SHROOM3: variants seen among roughly 807,000 people sequenced by gnomAD.
SHROOM3 encodes the protein shroom family member 3.
Under a neutral mutation model 138.6 loss-of-function variants are expected in SHROOM3, and 47 were observed. The observed-to-expected ratio is 0.34, with a 90% CI of 0.27 to 0.43. The LOEUF (loss-of-function observed/expected upper bound fraction) is 0.43, where lower values mean the gene tolerates loss of function less well. Ranked by LOEUF, SHROOM3 falls within the 20% of genes least tolerant of loss-of-function variation. SHROOM3 has a pLI of 1.00. For synonymous variants in SHROOM3, 1,062 were observed against 1,063.3 expected (o/e 1.00, Z 0.02); for missense variants, 2,491 against 2,596.5 (o/e 0.96, Z 0.88).
chr4:76,650,140 C>T (rs374116730), intron 2 of SHROOM3, among the ~76,000 whole-genome samples: 9 of 152,134 alleles, frequency 5.9e-5, no homozygotes, highest in African/African-American at 1.7e-4. Flanking sequence ...ACCTTTAAGA[C>T]CTTATCTCCA....
intron 1 of SHROOM3, among the ~76,000 whole-genome samples, chr4:76,533,577 T>C (rs1421044690): frequency 6.6e-6 from 1 of 152,174 alleles, no homozygotes; most frequent in African/African-American, 2.4e-5. Flanking sequence ...TTATTAGACA[T>C]GACCTTAGAG....
chr4:76,661,234 C>CTTTTTTTTTTTTTTTTT (rs912334272), intron 2 of SHROOM3, among the ~76,000 whole-genome samples: 1 of 146,026 alleles, frequency 6.8e-6, no homozygotes, highest in African/African-American at 2.5e-5. Context: ...AATCCATTTT[C>CTTTTTTTTTTTTTTTTT]TTTTTTTTTT....
intron 2 of SHROOM3, among the ~76,000 whole-genome samples, chr4:76,583,969 A>G (rs77045988): frequency 0.038 from 5,804 of 152,290 alleles, 354 homozygotes; most frequent in African/African-American, 0.13. Flanking sequence ...AATTTGTGAA[A>G]GGACAGGTTA....
At chr4:76,771,100 C>T (rs1722343761) in intron 10 of SHROOM3, among the ~76,000 whole-genome samples, 2 of 152,174 alleles carry the variant, frequency 1.3e-5, no homozygotes, top group South Asian at 4.1e-4. Flanking sequence ...CGTGGTGGCT[C>T]ATACCTGTAA....
chr4:76,754,268 C>T (rs1721727924), intron 6 of SHROOM3, 43 bp from the exon 7 acceptor site: 2 of 1,613,496 alleles, frequency 1.2e-6, no homozygotes, highest in Non-Finnish European at 1.7e-6. Context: ...ATGTTTGCCC[C>T]TTTCTTCAGA....
chr4:76,775,184 A>G (rs1471102107), intron 10 of SHROOM3, among the ~76,000 whole-genome samples: 4 of 152,052 alleles, frequency 2.6e-5, no homozygotes, highest in Non-Finnish European at 5.9e-5. Context: ...CTTAGCATCC[A>G]CTTAAAACTG....
At position 76,740,154 on chromosome 4, in the gene SHROOM3, G is replaced by A; in HGVS notation, c.1981G>A (p.Ala661Thr). The change falls in exon 5 of 11, where the codon GCC (alanine) becomes ACC (threonine). Residue 661 changes from alanine to threonine, a missense_variant. Transcript: ENST00000296043. The surrounding 1 kb of genome is among the most constrained non-coding windows in gnomAD (Gnocchi z 4.0). ...AGGCAACTTTGGCAAGACCAAGTCA[G>A]CCTTCTCATCTCTCCAGAACATTCC... The part of the protein sequence containing the change: ...LSGNFGKTKS[A>T]FSSLQNIPES... 1 of 1,613,888 alleles carries A rather than the reference G, an allele frequency of 6.2e-7. No individual in the cohort carries two copies. Among genetic ancestry groups the A allele is most frequent in the South Asian group, 1.1e-5 (1 of 91,086 alleles).
At chr4:76,512,544 C>A (rs1237803488) in intron 1 of SHROOM3, among the ~76,000 whole-genome samples, 1 of 152,166 alleles carries the variant, frequency 6.6e-6, no homozygotes, top group Non-Finnish European at 1.5e-5. Flanking sequence ...GGGTCACACC[C>A]TCTGCAGGGT....
At chr4:76,757,596 C>G (rs1258113948) in intron 8 of SHROOM3, among the ~76,000 whole-genome samples, 2 of 152,148 alleles carry the variant, frequency 1.3e-5, no homozygotes, top group Non-Finnish European at 2.9e-5. Context: ...TGACCCTTAC[C>G]TCTGAGGCAT....
chr4:76,471,550 C>T (rs1207783253), intron 1 of SHROOM3, among the ~76,000 whole-genome samples: 1 of 152,142 alleles, frequency 6.6e-6, no homozygotes, highest in Non-Finnish European at 1.5e-5. Flanking sequence ...CCAGTTTGTT[C>T]TTTCTTTAAG....
At chr4:76,684,028 C>T (rs1009776016) in intron 2 of SHROOM3, among the ~76,000 whole-genome samples, 18 of 152,260 alleles carry the variant, frequency 1.2e-4, no homozygotes, top group East Asian at 3.9e-4. Flanking sequence ...ATGTAGACAG[C>T]AAATGGGAAG....
At chr4:76,613,426 A>C (rs914651758) in intron 2 of SHROOM3, among the ~76,000 whole-genome samples, 2 of 152,176 alleles carry the variant, frequency 1.3e-5, no homozygotes, top group Non-Finnish European at 2.9e-5. Context: ...AGCTCACATA[A>C]AGCATTTACC....
At chr4:76,557,283 A>C (rs1385339257) in intron 2 of SHROOM3, among the ~76,000 whole-genome samples, 1 of 150,650 alleles carries the variant, frequency 6.6e-6, no homozygotes, top group Non-Finnish European at 1.5e-5. Context: ...ATCCAGCCAT[A>C]AAAAAAGAAG....
intron 1 of SHROOM3, among the ~76,000 whole-genome samples, chr4:76,550,683 A>G (rs1398808597): frequency 1.3e-5 from 2 of 152,138 alleles, no homozygotes; most frequent in Non-Finnish European, 2.9e-5. Context: ...GAAATGTTTG[A>G]CAAATAAGTG....
At chr4:76,604,510 A>T (rs573914319) in intron 2 of SHROOM3, among the ~76,000 whole-genome samples, 2 of 152,204 alleles carry the variant, frequency 1.3e-5, no homozygotes, top group African/African-American at 4.8e-5. Flanking sequence ...GTGGTATCTA[A>T]GTTGTCTGTG....
chr4:76,570,288 C>T (rs1733809697), intron 2 of SHROOM3, among the ~76,000 whole-genome samples: 1 of 152,080 alleles, frequency 6.6e-6, no homozygotes, highest in Non-Finnish European at 1.5e-5. Flanking sequence ...CAGGAATGGC[C>T]TCCATGTCAC....
At chr4:76,528,863 C>T (rs1036336146) in intron 1 of SHROOM3, among the ~76,000 whole-genome samples, 1 of 152,098 alleles carries the variant, frequency 6.6e-6, no homozygotes, top group Non-Finnish European at 1.5e-5. Flanking sequence ...CTTCCTCTCC[C>T]TATTCTTCCA....
intron 2 of SHROOM3, among the ~76,000 whole-genome samples, chr4:76,611,517 C>T (rs1734761448): frequency 6.6e-6 from 1 of 152,056 alleles, no homozygotes; most frequent in Admixed American, 6.6e-5. Context: ...GAAGTCATTC[C>T]TGGATGCTAA....
chr4:76,688,674 G>A, intron 2 of SHROOM3: 5 of 985,386 alleles, frequency 5.1e-6, no homozygotes, highest in Non-Finnish European at 6.0e-6. Flanking sequence ...CCTTCCTTTA[G>A]AATATTAACT....
Sources: gnomAD v4.1 joint callset for allele counts (sites outside exome capture counted in the v4.1 genomes callset) on GRCh38, gnomAD v4.1.1 for gene constraint, Gnocchi (gnomAD v3.1) non-coding constraint, MANE v1.5 for transcripts, NCBI Gene and HGNC (gene_info 2026-07-23, HGNC 2026-07-21) for gene names.